The following CDH12 variants were observed in gnomAD, a reference collection of about 807,000 sequenced individuals.
CDH12 encodes the protein cadherin-12.
In CDH12, 41 loss-of-function variants were observed where a neutral mutation model predicts 74.1. The ratio of observed to expected loss-of-function variants is 0.55; its 90% CI spans 0.43 to 0.72. CDH12 has a LOEUF of 0.72. Among genes scored for constraint, CDH12 ranks in the 30% least tolerant of loss-of-function variants. The pLI, the probability that CDH12 is intolerant of heterozygous loss-of-function variation, is 0.00. For missense variants in CDH12, 945 were observed against 977.2 expected (o/e 0.97, Z 0.44); for synonymous variants, 399 against 355.0 (o/e 1.12, Z -1.39).
intron 11 of CDH12, among the ~76,000 whole-genome samples, chr5:21,766,928 T>A (rs933897066): frequency 2.6e-5 from 4 of 151,886 alleles, no homozygotes; most frequent in Admixed American, 6.6e-5. Context: ...TCAAATGTCA[T>A]AAGTCAAAAG....
chr5:22,223,347 T>C (rs1239053231), intron 3 of CDH12, among the ~76,000 whole-genome samples: 2 of 152,000 alleles, frequency 1.3e-5, no homozygotes, highest in Non-Finnish European at 2.9e-5. Flanking sequence ...CTTGCGCATA[T>C]AGAAGACATC....
intron 5 of CDH12, among the ~76,000 whole-genome samples, chr5:21,986,652 C>T (rs1757527340): frequency 6.6e-6 from 1 of 152,032 alleles, no homozygotes; most frequent in African/African-American, 2.4e-5. Flanking sequence ...TTTTGAATAA[C>T]AGTAAATTTG....
In CDH12 at chr5:22,290,305, G is replaced by A. The variant is rs2150412649; in HGVS notation, c.-332-77662C>T. Among the ~76,000 whole-genome samples, 5 of 152,130 alleles carry A rather than the reference G, an allele frequency of 3.3e-5. 2 individuals carry two copies. In the South Asian group the frequency reaches 1.0e-3, roughly 32 times the overall value. ...GTGACTGACCCCAAAACATCGAGAT[G>A]GATTGATTGACTTTCTCACAAAAAA... On this transcript the variant is annotated intron_variant, in intron 3 of 14. Transcript: ENST00000382254.
At chr5:22,216,493 G>GA (rs1174188026) in intron 3 of CDH12, among the ~76,000 whole-genome samples, 8 of 151,888 alleles carry the variant, frequency 5.3e-5, no homozygotes, top group Admixed American at 3.9e-4. Context: ...AACAGACCTT[G>GA]AAAAATTACT....
intron 3 of CDH12, among the ~76,000 whole-genome samples, chr5:22,296,412 C>T (rs558596534): frequency 5.3e-5 from 8 of 152,128 alleles, no homozygotes; most frequent in African/African-American, 1.9e-4. Flanking sequence ...GTAAGGGTAT[C>T]ACTGGGAATG....
At chr5:22,509,358 A>C (rs1317600099) in intron 1 of CDH12, among the ~76,000 whole-genome samples, 1 of 152,224 alleles carries the variant, frequency 6.6e-6, no homozygotes, top group Non-Finnish European at 1.5e-5. Context: ...CAAATCTCAT[A>C]AAAGTTTTTA....
At chr5:22,412,826 C>G (rs1743218487) in intron 2 of CDH12, among the ~76,000 whole-genome samples, 1 of 151,862 alleles carries the variant, frequency 6.6e-6, no homozygotes, top group African/African-American at 2.4e-5. Context: ...TGCTTTATAC[C>G]TCTATTCTTT....
intron 1 of CDH12, among the ~76,000 whole-genome samples, chr5:22,844,087 G>C (rs1456975468): frequency 6.6e-6 from 1 of 152,014 alleles, no homozygotes; most frequent in African/African-American, 2.4e-5. Context: ...AAGAGAAAAT[G>C]CCTGTCATTC....
At chr5:21,768,846 G>T (rs979158403) in intron 11 of CDH12, among the ~76,000 whole-genome samples, 1 of 151,918 alleles carries the variant, frequency 6.6e-6, no homozygotes, top group African/African-American at 2.4e-5. Flanking sequence ...ACTGACTATT[G>T]TTTCTTATAA....
intron 1 of CDH12, among the ~76,000 whole-genome samples, chr5:22,776,924 T>A (rs1488657918): frequency 2.6e-5 from 4 of 152,180 alleles, no homozygotes; most frequent in African/African-American, 9.7e-5. Context: ...CATGTTTGAA[T>A]TATGTATCAT....
chr5:22,400,512 C>A (rs116453422), intron 3 of CDH12, among the ~76,000 whole-genome samples: 5,688 of 151,774 alleles, frequency 0.037, 373 homozygotes, highest in African/African-American at 0.13. Flanking sequence ...CCAGGCTGAA[C>A]CTTGAACCCC....
intron 1 of CDH12, among the ~76,000 whole-genome samples, chr5:22,783,444 T>C (rs1308112621): frequency 6.6e-6 from 1 of 152,164 alleles, no homozygotes; most frequent in Non-Finnish European, 1.5e-5. Flanking sequence ...GAATAGACTT[T>C]GTTAAAATCA....
intron 1 of CDH12, among the ~76,000 whole-genome samples, chr5:22,557,396 T>C (rs1738842567): frequency 6.6e-6 from 1 of 152,104 alleles, no homozygotes; most frequent in South Asian, 2.1e-4. Flanking sequence ...CAAGGAGGTC[T>C]TACCCGAATG....
rs1747333651 is a variant in CDH12, at chr5:22,148,188, A to G, written c.-187+64310T>C. Among the ~76,000 whole-genome samples, 2 of 152,100 alleles carry G rather than the reference A, an allele frequency of 1.3e-5. 1 individual carries two copies. The highest frequency in any genetic ancestry group is 4.1e-4 in the South Asian group (2 of 4,832). On this transcript the variant is annotated intron_variant, in intron 4 of 14. Transcript: ENST00000382254. Reference sequence around the variant, plus strand: ...ATTTTGATGCTTGTTTGTTCTTTCTATGCCAACTTCATACACCTCTGAGTC... The same window carrying G: ...ATTTTGATGCTTGTTTGTTCTTTCTGTGCCAACTTCATACACCTCTGAGTC...
intron 2 of CDH12, among the ~76,000 whole-genome samples, chr5:22,488,363 T>C (rs1487451499): frequency 6.6e-6 from 1 of 152,228 alleles, no homozygotes; most frequent in Non-Finnish European, 1.5e-5. Flanking sequence ...TTAAATGTTT[T>C]TTATTTTTCC....
intron 3 of CDH12, among the ~76,000 whole-genome samples, chr5:22,355,554 C>G (rs538688460): frequency 1.9e-4 from 29 of 149,926 alleles, no homozygotes; most frequent in African/African-American, 6.8e-4. Flanking sequence ...AACTATCTTA[C>G]ATGTCTTTTA....
At chr5:22,665,670 T>C (rs1379088048) in intron 1 of CDH12, among the ~76,000 whole-genome samples, 2 of 152,200 alleles carry the variant, frequency 1.3e-5, no homozygotes, top group Non-Finnish European at 2.9e-5. Context: ...AATGACTTCT[T>C]CACATGAAGG....
intron 4 of CDH12, among the ~76,000 whole-genome samples, chr5:22,095,786 C>T (rs1199896958): frequency 6.6e-6 from 1 of 151,854 alleles, no homozygotes; most frequent in South Asian, 2.1e-4. Context: ...ATTCCACACC[C>T]CAACCTCTTA....
chr5:22,643,762 C>CTTTA (rs1739285702), intron 1 of CDH12, among the ~76,000 whole-genome samples: 1 of 25,426 alleles, frequency 3.9e-5, no homozygotes. Flanking sequence ...TTTTTTTTTC[C>CTTTA]ACAAATTGAT....
Sources: gnomAD v4.1 joint callset for allele counts (sites outside exome capture counted in the v4.1 genomes callset) on GRCh38, gnomAD v4.1.1 for gene constraint, MANE v1.5 for transcripts, NCBI Gene and HGNC (gene_info 2026-07-23, HGNC 2026-07-21) for gene names.